The following CEMIP variants were observed in gnomAD, a reference collection of about 807,000 sequenced individuals.
The protein encoded by CEMIP is cell migration inducing hyaluronidase 1.
A neutral mutation model predicts 156.9 loss-of-function variants in CEMIP; 105 were observed. The ratio of observed to expected loss-of-function variants is 0.67; its 90% CI spans 0.57 to 0.79. CEMIP has a LOEUF of 0.79. Ranked by LOEUF, CEMIP falls within the 30% of genes least tolerant of loss-of-function variation. CEMIP has a pLI of 0.00. For missense variants in CEMIP, 1,457 were observed against 1,769.4 expected (o/e 0.82, Z 3.17); for synonymous variants, 676 against 668.4 (o/e 1.01, Z -0.17).
chr15:80,915,810 C>T (rs1900253218), intron 14 of CEMIP, among the ~76,000 whole-genome samples: 2 of 150,120 alleles, frequency 1.3e-5, no homozygotes, highest in African/African-American at 4.9e-5. Flanking sequence ...TTTCTTCCAC[C>T]CAGTTTTAAT....
intron 12 of CEMIP, 120 bp downstream of exon 12, chr15:80,896,180 C>T: frequency 2.0e-6 from 2 of 1,017,912 alleles, no homozygotes; most frequent in South Asian, 1.3e-5. Flanking sequence ...TGCTGCATAA[C>T]AAAAAAAATC....
rs952730650 is a variant in CEMIP at position 80,926,936 on chromosome 15, T to A, written c.2420+1181T>A. 2.7e-5 allele frequency among the ~76,000 whole-genome samples: 4 copies of A among 150,342 alleles called. No individual in the cohort carries two copies. In the East Asian group the frequency reaches 8.1e-4, roughly 30 times the overall value. On this transcript the variant is annotated intron_variant, in intron 19 of 29. Transcript: ENST00000394685. ...ACCTCTGCTTCCTGGGTTCAAGCAA[T>A]TCTCCTGCCTCAGCCTCCCGAGTAG...
rs747305365 is a variant in CEMIP, at chr15:80,947,084, G to T, written c.3958+19G>T. The T allele has an allele frequency of 1.3e-6, 2 of 1,536,320 alleles. No individual in the cohort carries two copies. The highest frequency in any genetic ancestry group is 1.8e-6 in the Non-Finnish European group (2 of 1,109,810). ...TTGAAAGGTAAGGGTTTGAACTGGG[G>T]TTTAAACTGACCCCAAAACCAGAGA... On this transcript the variant is annotated intron_variant, in intron 29 of 29. Coordinates refer to ENST00000394685, the MANE Select transcript of CEMIP (RefSeq NM_001293298.2).
chr15:80,949,851 G>A lies in CEMIP; in HGVS notation c.*927G>A, dbSNP rs932551785. 1 of 152,334 alleles carries A rather than the reference G, an allele frequency of 6.6e-6. No homozygotes were observed. Among genetic ancestry groups the A allele is most frequent in the African/African-American group, 2.4e-5 (1 of 41,434 alleles). The allele number at this position is 152,334 out of a possible 1,614,324, so 9.4% of individuals were successfully genotyped here. A position where few individuals can be genotyped will look rare whatever the true frequency, so the allele number is the denominator to read the frequency against. On this transcript the variant is annotated 3_prime_UTR_variant, in exon 30 of 30. Transcript: ENST00000394685. ...ATGAAGGCTGGGGGCATTTTGCTGG[G>A]GGGAGATGAGGCAGCCTCTGGAATG...
chr15:80,942,133 A>AGCCCTTTG, intron 26 of CEMIP, 80 bp downstream of exon 26: 1 of 1,510,766 alleles, frequency 6.6e-7, no homozygotes, highest in Non-Finnish European at 9.2e-7. Context: ...TCGGGCCCAG[A>AGCCCTTTG]CCCAATTAGG....
chr15:80,941,994 T>A lies in CEMIP; in HGVS notation c.3553T>A (p.Phe1185Ile). The A allele has an allele frequency of 1.2e-6, 2 of 1,613,892 alleles. No individual in the cohort carries two copies. Among genetic ancestry groups the A allele is most frequent in the South Asian group, 2.2e-5 (2 of 91,046 alleles). ...CTGCACAGCCACAGCTTACCCCAAG[T>A]TCACCGAGAGGGCTGTCGTAGACGT... ...SDCTATAYPK[F>I]TERAVVDVPM... The change falls in exon 26 of 30, where the codon TTC becomes ATC. Residue 1185 changes from phenylalanine to isoleucine, a missense_variant. Coordinates refer to ENST00000394685, the MANE Select transcript of CEMIP (RefSeq NM_001293298.2).
chr15:80,943,224 A>C (rs1336772933), intron 28 of CEMIP, 122 bp downstream of exon 28: 2 of 1,047,282 alleles, frequency 1.9e-6, no homozygotes, highest in Non-Finnish European at 3.0e-6. Flanking sequence ...GGCAGTCTCC[A>C]CAGCCTGCCC....
chr15:80,892,968 A>T (rs766039547), intron 10 of CEMIP, among the ~76,000 whole-genome samples: 1 of 152,142 alleles, frequency 6.6e-6, no homozygotes, highest in African/African-American at 2.4e-5. Flanking sequence ...GGGTGGATCA[A>T]TTGAAGTTAG....
At chr15:80,922,371 G>A (rs1243844293) in intron 17 of CEMIP, among the ~76,000 whole-genome samples, 5 of 152,252 alleles carry the variant, frequency 3.3e-5, no homozygotes, top group Admixed American at 1.3e-4. Flanking sequence ...AATATGGCCA[G>A]AGCCAAAAGG....
chr15:80,947,137 G>A (rs879743223), intron 29 of CEMIP, 72 bp downstream of exon 29: 2 of 959,746 alleles, frequency 2.1e-6, no homozygotes, highest in African/African-American at 3.2e-5. Context: ...GGAGGGTGCT[G>A]TCATCTTTTG....
chr15:80,838,811 G>A (rs146326849), intron 1 of CEMIP, among the ~76,000 whole-genome samples: 1 of 152,304 alleles, frequency 6.6e-6, no homozygotes, highest in Non-Finnish European at 1.5e-5. Flanking sequence ...AGCACACTGA[G>A]GTTCAGACAG....
At chr15:80,857,975 A>G (rs1050230603) in intron 1 of CEMIP, among the ~76,000 whole-genome samples, 3 of 152,158 alleles carry the variant, frequency 2.0e-5, no homozygotes, top group Admixed American at 2.0e-4. Context: ...TCCCTGGGGC[A>G]GAATCAAGCT....
chr15:80,918,041 G>T (rs4778630), intron 14 of CEMIP, among the ~76,000 whole-genome samples: 2 of 152,070 alleles, frequency 1.3e-5, no homozygotes, highest in African/African-American at 4.8e-5. Flanking sequence ...TTGGGAGGCC[G>T]AGGCAGAAGG....
At chr15:80,848,226 C>A (rs563385918) in intron 1 of CEMIP, among the ~76,000 whole-genome samples, 2 of 152,162 alleles carry the variant, frequency 1.3e-5, no homozygotes, top group Non-Finnish European at 2.9e-5. Context: ...CTCCACAAGC[C>A]GCATGGACTC....
At position 80,878,796 on chromosome 15, in the gene CEMIP, A is replaced by G; in HGVS notation, c.170A>G (p.His57Arg). Residue 57 changes from histidine to arginine, a missense_variant, in exon 4 of 30, where the codon CAT becomes CGT. Around this residue, in one of 5 missense-constraint regions of CEMIP, gnomAD observed 309 missense variants for 340.8 expected, o/e 0.91. Transcript: ENST00000394685. ...GGCCATGACCAAGACCACCATGTGCATATCGGCCAGGGCAAGACACTGCTG... is the reference window on the plus strand; with the variant it reads ...GGCCATGACCAAGACCACCATGTGCGTATCGGCCAGGGCAAGACACTGCTG... Reference protein sequence around the residue: ...NPGHDQDHHVHIGQGKTLLLT... With the variant: ...NPGHDQDHHVRIGQGKTLLLT... The G allele has an allele frequency of 6.2e-7, 1 of 1,614,164 alleles. No homozygotes were observed. The highest frequency in any genetic ancestry group is 1.1e-5 in the South Asian group (1 of 91,084).
At chr15:80,842,832 T>G (rs978857337) in intron 1 of CEMIP, among the ~76,000 whole-genome samples, 1 of 151,846 alleles carries the variant, frequency 6.6e-6, no homozygotes, top group Non-Finnish European at 1.5e-5. Flanking sequence ...TGAGAGAGAA[T>G]AAGGGTCGTG....
intron 1 of CEMIP, among the ~76,000 whole-genome samples, chr15:80,850,520 C>A (rs558450765): frequency 1.2e-4 from 19 of 152,258 alleles, no homozygotes; most frequent in African/African-American, 3.6e-4. Context: ...TTCAAGTGAT[C>A]CCGCCTTGGC....
chr15:80,797,925 C>A (rs1010415403), intron 1 of CEMIP, among the ~76,000 whole-genome samples: 2 of 152,248 alleles, frequency 1.3e-5, no homozygotes, highest in Non-Finnish European at 2.9e-5. Context: ...TAATTCATTA[C>A]ACAAACATTT....
At chr15:80,829,965 G>GGT (rs370594946) in intron 1 of CEMIP, among the ~76,000 whole-genome samples, 50,700 of 133,412 alleles carry the variant, frequency 0.38, 9,188 homozygotes, top group Non-Finnish European at 0.43. Context: ...GGAGGTAGCG[G>GGT]GTGTGTGTGT....
Sources: gnomAD v4.1 joint callset for allele counts (sites outside exome capture counted in the v4.1 genomes callset) on GRCh38, gnomAD v4.1.1 for gene constraint, gnomAD v4.1.1 regional missense constraint, MANE v1.5 for transcripts, NCBI Gene and HGNC (gene_info 2026-07-23, HGNC 2026-07-21) for gene names.